Variants in AGBL4 observed in about 807,000 individuals in gnomAD.
AGBL4 encodes AGBL carboxypeptidase 4.
AGBL4 carries 58 observed loss-of-function variants against 66.4 expected under a neutral mutation model. That is an observed-to-expected ratio of 0.87 (90% CI 0.71 to 1.09). AGBL4 has a LOEUF of 1.09. Ranked by LOEUF, AGBL4 falls within the 50% of genes least tolerant of loss-of-function variation. The pLI is 0.00. For missense variants in AGBL4, 579 were observed against 631.0 expected, an observed-to-expected ratio of 0.92 and a Z score of 0.88; for synonymous variants, 234 against 222.9, an observed-to-expected ratio of 1.05 and a Z score of -0.44.
At chr1:48,664,887 G>A (rs1015312495) in intron 6 of AGBL4, among the ~76,000 whole-genome samples, 1 of 152,226 alleles carries the variant, frequency 6.6e-6, no homozygotes, top group African/African-American at 2.4e-5. Context: ...AGAACATTGA[G>A]AGAGGTTGAA....
At chr1:48,634,142 A>G (rs1645632556) in intron 9 of AGBL4, 2 of 164,392 alleles carry the variant, frequency 1.2e-5, no homozygotes, top group African/African-American at 4.8e-5. Flanking sequence ...ATTACATGAC[A>G]TGCCCTTGGT....
chr1:49,849,005 C>T (rs1004013488), intron 2 of AGBL4, among the ~76,000 whole-genome samples: 1 of 152,030 alleles, frequency 6.6e-6, no homozygotes, highest in Non-Finnish European at 1.5e-5. Flanking sequence ...TGGCTACTCC[C>T]AATGTTACTG....
chr1:48,937,768 C>T (rs1012484614), intron 5 of AGBL4, among the ~76,000 whole-genome samples: 1 of 152,160 alleles, frequency 6.6e-6, no homozygotes, highest in African/African-American at 2.4e-5. Flanking sequence ...AAAAAGCAGG[C>T]AACTGCTATA....
intron 4 of AGBL4, among the ~76,000 whole-genome samples, chr1:49,063,724 G>T (rs1644443121): frequency 6.6e-6 from 1 of 152,198 alleles, no homozygotes; most frequent in Non-Finnish European, 1.5e-5. Context: ...GTTACACAGG[G>T]TTGTGAAGAA....
chr1:49,936,151 T>C (rs960080473), intron 1 of AGBL4, among the ~76,000 whole-genome samples: 2 of 152,150 alleles, frequency 1.3e-5, no homozygotes, highest in Non-Finnish European at 2.9e-5. Context: ...AAGGAGCTGA[T>C]GGAGCTGAAA....
intron 3 of AGBL4, among the ~76,000 whole-genome samples, chr1:49,528,909 G>A (rs1455770922): frequency 3.3e-5 from 5 of 151,998 alleles, no homozygotes; most frequent in Admixed American, 6.5e-5. Flanking sequence ...GTAAATAGTA[G>A]GAGATGAAGT....
chr1:49,429,405 C>T (rs1454121531), intron 3 of AGBL4, among the ~76,000 whole-genome samples: 2 of 152,010 alleles, frequency 1.3e-5, no homozygotes, highest in Non-Finnish European at 2.9e-5. Flanking sequence ...ATTAATAATG[C>T]CAGTTAAAGA....
chr1:49,947,329 T>G (rs956394951), intron 1 of AGBL4, among the ~76,000 whole-genome samples: 1 of 151,822 alleles, frequency 6.6e-6, no homozygotes, highest in African/African-American at 2.4e-5. Context: ...AACAACATAT[T>G]GAAAAGTTAA....
At chr1:49,799,660 G>C (rs2147945268) in intron 2 of AGBL4, among the ~76,000 whole-genome samples, 1 of 151,808 alleles carries the variant, frequency 6.6e-6, no homozygotes, top group Non-Finnish European at 1.5e-5. Flanking sequence ...GGAAGTGAAA[G>C]GGCATCTTGA....
At chr1:49,442,909 AG>A (rs1253734467) in intron 3 of AGBL4, among the ~76,000 whole-genome samples, 4 of 152,136 alleles carry the variant, frequency 2.6e-5, no homozygotes, top group Admixed American at 6.6e-5. Context: ...CGTGTATAAA[AG>A]TTCCCTTTTC....
intron 11 of AGBL4, among the ~76,000 whole-genome samples, chr1:48,551,439 C>T (rs1269266267): frequency 2.6e-5 from 4 of 152,140 alleles, no homozygotes; most frequent in African/African-American, 9.7e-5. Context: ...ATTATCATTA[C>T]TACATATGAA....
intron 6 of AGBL4, among the ~76,000 whole-genome samples, chr1:48,843,650 GA>G (rs1323076430): frequency 6.6e-6 from 1 of 151,684 alleles, no homozygotes; most frequent in African/African-American, 2.4e-5. Context: ...AAACAAAGTG[GA>G]AACAAAAAAT....
intron 3 of AGBL4, among the ~76,000 whole-genome samples, chr1:49,440,413 G>A (rs371833826): frequency 1.4e-4 from 21 of 152,194 alleles, no homozygotes; most frequent in East Asian, 1.4e-3. Flanking sequence ...AGTCCTTGGC[G>A]TGAACTGTAT....
intron 3 of AGBL4, among the ~76,000 whole-genome samples, chr1:49,597,887 A>G (rs1476483381): frequency 6.6e-6 from 1 of 152,160 alleles, no homozygotes; most frequent in Non-Finnish European, 1.5e-5. Context: ...ACTTTGCTGA[A>G]GTTGCTTATC....
At chr1:49,303,816 C>T (rs769058043) in intron 3 of AGBL4, among the ~76,000 whole-genome samples, 1 of 151,984 alleles carries the variant, frequency 6.6e-6, no homozygotes, top group Non-Finnish European at 1.5e-5. Flanking sequence ...ATGTCCTTTG[C>T]CTGCTTTTTA....
At chr1:49,264,175 C>T (rs979580232) in intron 3 of AGBL4, among the ~76,000 whole-genome samples, 2 of 151,834 alleles carry the variant, frequency 1.3e-5, no homozygotes, top group Non-Finnish European at 2.9e-5. Context: ...TAGGTATATC[C>T]GTAATGACTT....
At chr1:49,069,443 T>A (rs1557613829) in intron 4 of AGBL4, among the ~76,000 whole-genome samples, 1 of 152,084 alleles carries the variant, frequency 6.6e-6, no homozygotes, top group Non-Finnish European at 1.5e-5. Context: ...TTCAGCTTTC[T>A]GCTTATGGCT....
intron 1 of AGBL4, among the ~76,000 whole-genome samples, chr1:49,990,456 A>C (rs1447549087): frequency 6.6e-6 from 1 of 152,134 alleles, no homozygotes; most frequent in Non-Finnish European, 1.5e-5. Flanking sequence ...GAAGAAGGTG[A>C]CTGCTTCTCC....
chr1:49,562,997 C>T (rs1481293965), intron 3 of AGBL4, among the ~76,000 whole-genome samples: 20 of 152,044 alleles, frequency 1.3e-4, no homozygotes, highest in South Asian at 4.2e-4. Context: ...AGCAGTGGTT[C>T]GTAGTTATCC....
Sources: allele counts gnomAD v4.1 joint callset (sites outside exome capture counted in the v4.1 genomes callset), GRCh38; gene constraint gnomAD v4.1.1; transcripts MANE v1.5; gene names NCBI Gene and HGNC (gene_info 2026-07-23, HGNC 2026-07-21).